WWP1: variants seen among roughly 807,000 people sequenced by gnomAD.
WWP1 encodes the protein WW domain containing E3 ubiquitin protein ligase 1, also known as NEDD4-like E3 ubiquitin-protein ligase WWP1.
A neutral mutation model predicts 130.6 loss-of-function variants in WWP1; 49 were observed. The observed-to-expected ratio is 0.38, with a 90% CI of 0.30 to 0.48. The LOEUF is 0.48. Ranked by LOEUF, WWP1 falls within the 20% of genes least tolerant of loss-of-function variation. WWP1 has a pLI of 0.99. For missense variants in WWP1, 809 were observed against 1,100.6 expected (o/e 0.74, Z 3.75); for synonymous variants, 332 against 367.8 (o/e 0.90, Z 1.11).
chr8:86,372,901 CT>C (rs1428060843), intron 2 of WWP1, among the ~76,000 whole-genome samples: 2 of 152,000 alleles, frequency 1.3e-5, no homozygotes, highest in Non-Finnish European at 2.9e-5. Context: ...TAACTCCTTT[CT>C]TTGGGTTTGT....
At chr8:86,430,562 C>A in intron 11 of WWP1, 135 bp from the exon 12 acceptor site, 1 of 525,274 alleles carries the variant, frequency 1.9e-6, no homozygotes, top group South Asian at 4.1e-5. Flanking sequence ...CAGGCATGAG[C>A]CACTGCGCCC....
chr8:86,381,664 A>G, intron 5 of WWP1, 35 bp downstream of exon 5: 1 of 1,536,816 alleles, frequency 6.5e-7, no homozygotes, highest in Non-Finnish European at 8.7e-7. Flanking sequence ...TTTCCTTATA[A>G]GTTTATTTTA....
rs192611620 is a variant in WWP1 at position 86,439,362 on chromosome 8, T to G, written c.1838+689T>G. ...TGTGTCAAAAAAAAAAAAAAAGTTTTTAAAGCTTTTTGTAGAAATGAGGGT... is the reference window on the plus strand; with the variant it reads ...TGTGTCAAAAAAAAAAAAAAAGTTTGTAAAGCTTTTTGTAGAAATGAGGGT... On this transcript the variant is annotated intron_variant, in intron 17 of 24. Transcript: ENST00000517970. Among the ~76,000 whole-genome samples the G allele has an allele frequency of 2.3e-4, 29 of 123,496 alleles. No individual in the cohort carries two copies. In the East Asian group the frequency reaches 9.9e-3, roughly 42 times the overall value. 81.0% of individuals were successfully genotyped at this position (123,496 alleles called of 152,430 possible).
At position 86,348,517 on chromosome 8, in the gene WWP1, C is replaced by T. The variant is rs193063126; in HGVS notation, c.-115+5587C>T. Among the ~76,000 whole-genome samples, 116 of 152,288 alleles carry T rather than the reference C, an allele frequency of 7.6e-4. 1 individual carries two copies. The South Asian group carries it at 8.9e-3, about 12-fold the overall frequency. On this transcript the variant is annotated intron_variant, in intron 1 of 24. Transcript: ENST00000517970. ...ACAGGCATGAGCCACCACGCCTGGC[C>T]GTCTTGACATTTCTTAAATCTACAG...
intron 1 of WWP1, among the ~76,000 whole-genome samples, chr8:86,361,987 T>TAC (rs1563465094): frequency 9.6e-5 from 13 of 135,988 alleles, no homozygotes; most frequent in South Asian, 7.2e-4. Context: ...TATATATATA[T>TAC]ATATACATAT....
intron 5 of WWP1, among the ~76,000 whole-genome samples, chr8:86,384,698 A>G (rs1825179238): frequency 6.6e-6 from 1 of 152,074 alleles, no homozygotes; most frequent in African/African-American, 2.4e-5. Flanking sequence ...TTGTATATTT[A>G]CCTTTAAAAA....
chr8:86,383,012 A>G (rs1468067308), intron 5 of WWP1, among the ~76,000 whole-genome samples: 1 of 152,212 alleles, frequency 6.6e-6, no homozygotes, highest in Admixed American at 6.5e-5. Context: ...GTTTTGATCT[A>G]GTTTTTGGAA....
chr8:86,431,130 A>G (rs1809944244), intron 12 of WWP1, among the ~76,000 whole-genome samples: 2 of 130,834 alleles, frequency 1.5e-5, no homozygotes, highest in African/African-American at 2.8e-5. Context: ...AGAATAGATT[A>G]TATATTAAAG....
Position 86,468,294 on chromosome 8 carries a change from T to C in WWP1, c.*1401T>C, listed in dbSNP as rs1431547534. 7.4e-6 allele frequency: 3 copies of C among 407,144 alleles called. No homozygotes were observed. In the East Asian group the frequency reaches 2.2e-4, roughly 29 times the overall value. 25.2% of individuals were successfully genotyped at this position (407,144 alleles called of 1,614,324 possible). A position where few individuals can be genotyped will look rare whatever the true frequency, so the allele number is the denominator to read the frequency against. On this transcript the variant is annotated 3_prime_UTR_variant, in exon 25 of 25. Transcript: ENST00000517970. ...TTGTTTTGCCAAAATTTTATTTTTC[T>C]ACATATTGAGAGTGTGTTCTCCATT...
intron 9 of WWP1, among the ~76,000 whole-genome samples, chr8:86,418,834 C>CA (rs1809034599): frequency 1.3e-5 from 2 of 152,100 alleles, no homozygotes; most frequent in African/African-American, 4.8e-5. Context: ...AATACACACC[C>CA]AACACAGATC....
intron 24 of WWP1, among the ~76,000 whole-genome samples, chr8:86,463,521 G>T (rs928195509): frequency 6.6e-6 from 1 of 151,900 alleles, no homozygotes; most frequent in Non-Finnish European, 1.5e-5. Flanking sequence ...GGTCAGGCTG[G>T]TCTCAAACTC....
chr8:86,367,676 C>G (rs1374503046), intron 1 of WWP1, among the ~76,000 whole-genome samples: 2 of 152,158 alleles, frequency 1.3e-5, no homozygotes, highest in African/African-American at 4.8e-5. Context: ...TGACCTAAAA[C>G]TCAGACTTTG....
rs376343550 is a variant in WWP1, at chr8:86,353,317, T to G, written c.-115+10387T>G. Among the ~76,000 whole-genome samples the G allele has an allele frequency of 5.9e-5, 9 of 152,262 alleles. No individual in the cohort carries two copies. In the East Asian group the frequency reaches 1.2e-3, roughly 20 times the overall value. ...GTGACCAGCAGGATCCAAAATCTGA[T>G]CCTGTCATCAGAAGAGTAGATCTTT... On this transcript the variant is annotated intron_variant, in intron 1 of 24. Transcript: ENST00000517970.
rs140616897 is a variant in WWP1, at chr8:86,431,516, C to T, written c.1472+26C>T. ...GTATGTATATACAGCAGCCTTAAGT[C>T]GTCTTGCATATATCAGTAGGTAGAA... is the stretch of plus-strand genomic sequence containing the variant. On this transcript the variant is annotated intron_variant, in intron 13 of 24. Transcript: ENST00000517970. 7,616 of 1,610,148 alleles carry T rather than the reference C, an allele frequency of 4.7e-3. 48 individuals are homozygous for T. The highest frequency in any genetic ancestry group is 0.02 in the Middle Eastern group (123 of 6,038).
chr8:86,456,377 A>G (rs908115263), intron 21 of WWP1, among the ~76,000 whole-genome samples: 1 of 151,992 alleles, frequency 6.6e-6, no homozygotes, highest in African/African-American at 2.4e-5. Context: ...GGAATATATT[A>G]ACAAAAAAAC....
At chr8:86,444,276 G>C (rs183620680) in intron 18 of WWP1, among the ~76,000 whole-genome samples, 219 of 152,310 alleles carry the variant, frequency 1.4e-3, no homozygotes, top group African/African-American at 5.0e-3. Context: ...CAGCTTGTCT[G>C]GTTGCAAATT....
chr8:86,410,545 C>T (rs1354445536), intron 8 of WWP1, among the ~76,000 whole-genome samples: 1 of 152,006 alleles, frequency 6.6e-6, no homozygotes, highest in Non-Finnish European at 1.5e-5. Flanking sequence ...ATGCAGATCC[C>T]CAGGTTCTTC....
intron 17 of WWP1, among the ~76,000 whole-genome samples, chr8:86,439,311 C>T (rs917934640): frequency 6.9e-6 from 1 of 145,564 alleles, no homozygotes; most frequent in Non-Finnish European, 1.5e-5. Flanking sequence ...CCACTGCACT[C>T]CAGCCTGGGT....
chr8:86,423,667 C>G (rs1809365673), intron 9 of WWP1, among the ~76,000 whole-genome samples: 1 of 152,168 alleles, frequency 6.6e-6, no homozygotes, highest in Non-Finnish European at 1.5e-5. Flanking sequence ...TATCTTTTCC[C>G]CACATTTCCC....
Sources: gnomAD v4.1 joint callset for allele counts (sites outside exome capture counted in the v4.1 genomes callset) on GRCh38, gnomAD v4.1.1 for gene constraint, MANE v1.5 for transcripts, NCBI Gene and HGNC (gene_info 2026-07-23, HGNC 2026-07-21) for gene names.